The following HSPA8 variants were observed in gnomAD, a reference collection of about 807,000 sequenced individuals.
The protein encoded by HSPA8 is heat shock protein family A (Hsp70) member 8.
Under a neutral mutation model 52.8 loss-of-function variants are expected in HSPA8, and 2 were observed. The ratio of observed to expected loss-of-function variants is 0.04; its 90% CI spans 0.02 to 0.12. The LOEUF (loss-of-function observed/expected upper bound fraction) is 0.12. Ranked by LOEUF, HSPA8 falls within the 10% of genes least tolerant of loss-of-function variation. The pLI is 1.00. For missense variants in HSPA8, 349 were observed against 800.5 expected, an observed-to-expected ratio of 0.44 and a Z score of 6.81; for synonymous variants, 436 against 274.0, an observed-to-expected ratio of 1.59 and a Z score of -5.84.
chr11:123,060,898 G>T, intron 2 of HSPA8, 100 bp from the exon 3 acceptor site: 2 of 1,085,238 alleles, frequency 1.8e-6, no homozygotes, highest in Non-Finnish European at 2.8e-6. Flanking sequence ...ATAGGTAGGT[G>T]AATTCAACTA....
chr11:123,062,288 G>A (rs980045905), upstream of HSPA8: 1 of 152,680 alleles, frequency 6.5e-6, no homozygotes, highest in Non-Finnish European at 1.5e-5. Flanking sequence ...TCCACTCCTC[G>A]GGCCTCGCCC....
In HSPA8 at chr11:123,059,783, A is replaced by T. The variant is rs1189233763; in HGVS notation, c.810T>A (p.Ala270=). The T allele has an allele frequency of 3.1e-6, 5 of 1,613,812 alleles. No individual in the cohort carries two copies. The highest frequency in any genetic ancestry group is 1.3e-5 in the African/African-American group (1 of 74,904). ...VRRLRTACER[A]KRTLSSSTQA... ...GGGTGCTGGAAGAGAGGGTACGCTT[A>T]GCACGTTCACAAGCAGTACGGAGGC... is the stretch of plus-strand genomic sequence containing the variant. The change falls in exon 5 of 9, where the codon GCT becomes GCA. Residue 270 remains alanine (A), a synonymous_variant. Coordinates refer to ENST00000534624, the MANE Select transcript of HSPA8 (RefSeq NM_006597.6).
In HSPA8 at chr11:123,058,459, T is replaced by C. The variant is rs1591436019; in HGVS notation, c.1548A>G (p.Glu516=). 6.2e-7 allele frequency: 1 copy of C among 1,614,142 alleles called. No homozygotes were observed. Among genetic ancestry groups the C allele is most frequent in the Non-Finnish European group, 8.5e-7 (1 of 1,180,008 alleles). The change falls in exon 8 of 9, where the codon GAA becomes GAG. Residue 516 remains glutamate (E), a synonymous_variant. Transcript: ENST00000534624. ...ACTTCTCAGCTTCCTGGACCATACG[T>C]TCAATGTCTTCCTTGCTCAAACGGC... The part of the protein sequence containing the change: ...DKGRLSKEDI[E]RMVQEAEKYK...
chr11:123,057,936 G>C lies in HSPA8; in HGVS notation c.1756-17C>G. 6 of 1,565,566 alleles carry C rather than the reference G, an allele frequency of 3.8e-6. No individual in the cohort carries two copies. The highest frequency in any genetic ancestry group is 5.2e-6 in the Non-Finnish European group (6 of 1,152,764). On this transcript the variant is annotated splice_polypyrimidine_tract_variant and intron_variant, in intron 8 of 8. Coordinates refer to ENST00000534624, the MANE Select transcript of HSPA8 (RefSeq NM_006597.6). The stretch of plus-strand genomic sequence containing the variant: ...CTCAGCAGTCTGAGGAAGAGAAAAA[G>C]GAATTACTGCAAGTTCTTTTAATGT...
Position 123,058,795 on chromosome 11 carries a change from G to A in HSPA8, c.1359C>T (p.Asn453=). Reference sequence around the variant, plus strand: ...TGAGTTCAAACTTGCCAAGCAGGTTGTTATCCTTTGTCATGGCACGCTCGC... The same window carrying A: ...TGAGTTCAAACTTGCCAAGCAGGTTATTATCCTTTGTCATGGCACGCTCGC... ...YEGERAMTKD[N]NLLGKFELTG... is the part of the protein sequence containing the mutation. Residue 453 remains asparagine, a synonymous_variant, in exon 7 of 9, where the codon AAC becomes AAT. Coordinates refer to ENST00000534624, the MANE Select transcript of HSPA8 (RefSeq NM_006597.6). 2 of 1,614,154 alleles carry A rather than the reference G, an allele frequency of 1.2e-6. No homozygotes were observed. Among genetic ancestry groups the A allele is most frequent in the Non-Finnish European group, 1.7e-6 (2 of 1,180,022 alleles).
intron 8 of HSPA8, 21 bp downstream of exon 8, chr11:123,058,231 A>G: frequency 7.0e-7 from 1 of 1,429,312 alleles, no homozygotes; most frequent in South Asian, 1.3e-5. Flanking sequence ...GGGAGGAAAA[A>G]AAAAAAAAAA....
Position 123,059,795 on chromosome 11 carries a change from A to T in HSPA8, c.798T>A (p.Ala266=). The change falls in exon 5 of 9, where the codon GCT becomes GCA. Residue 266 remains alanine (A), a synonymous_variant. Transcript: ENST00000534624. The stretch of plus-strand genomic sequence containing the variant: ...AGAGGGTACGCTTAGCACGTTCACA[A>T]GCAGTACGGAGGCGTCTTACAGCTC... The part of the protein sequence containing the change: ...NKRAVRRLRT[A]CERAKRTLSS... 6.2e-7 allele frequency: 1 copy of T among 1,613,872 alleles called. No homozygotes were observed. The highest frequency in any genetic ancestry group is 2.2e-5 in the East Asian group (1 of 44,874).
intron 8 of HSPA8, 150 bp from the exon 9 acceptor site, chr11:123,058,069 A>G: frequency 2.7e-6 from 2 of 730,670 alleles, no homozygotes; most frequent in South Asian, 1.8e-5. Context: ...CTTCCTTAAC[A>G]TCTTGGGTCA....
chr11:123,061,696 A>C (rs957093417), intron 1 of HSPA8: 28 of 296,202 alleles, frequency 9.5e-5, no homozygotes, highest in South Asian at 4.7e-4. Flanking sequence ...AAGCACGCCA[A>C]GAACAGCTCT....
At chr11:123,058,905 A>C in intron 6 of HSPA8, 75 bp from the exon 7 acceptor site, 1 of 1,472,154 alleles carries the variant, frequency 6.8e-7, no homozygotes, top group Admixed American at 1.8e-5. Context: ...CTAAGGAAGA[A>C]TGGTCGCTCA....
chr11:123,059,987 A>G lies in HSPA8; in HGVS notation c.606T>C (p.Gly202=), dbSNP rs951965347. ...ERNVLIFDLG[G]GTFDVSILTI... is the part of the protein sequence containing the mutation. ...TGAGGATTGACACATCAAAAGTGCC[A>G]CCTCCCAGGTCAAAGATGAGCACGT... Residue 202 remains glycine (G), a synonymous_variant, in exon 5 of 9, where the codon GGT becomes GGC. Coordinates refer to ENST00000534624, the MANE Select transcript of HSPA8 (RefSeq NM_006597.6). 18 of 1,613,696 alleles carry G rather than the reference A, an allele frequency of 1.1e-5. No homozygotes were observed. The highest frequency in any genetic ancestry group is 1.5e-5 in the Non-Finnish European group (18 of 1,179,892).
rs553205643 is a variant in HSPA8, at chr11:123,058,893, T to C, written c.1324-63A>G. On this transcript the variant is annotated intron_variant, in intron 6 of 8. Coordinates refer to ENST00000534624, the MANE Select transcript of HSPA8 (RefSeq NM_006597.6). ...CAGGTCTGTGACAGTGCTAGGGTCC[T>C]GCTAAGGAAGAATGGTCGCTCAAAC... is the stretch of plus-strand genomic sequence containing the variant. 1.4e-4 allele frequency: 219 copies of C among 1,513,528 alleles called. 1 individual carries two copies. The African/African-American group carries it at 2.7e-3, about 18-fold the overall frequency. The allele number at this position is 1,513,528 out of a possible 1,614,324, so 93.8% of individuals were successfully genotyped here. A position where few individuals can be genotyped will look rare whatever the true frequency, so the allele number is the denominator to read the frequency against.
Position 123,059,455 on chromosome 11 carries a change from T to C in HSPA8, c.1120+18A>G, listed in dbSNP as rs1250546203. ...TGGGCCTGCCTGCCTTTAGGGTTAATTGAGATACCATTGTTACCTGCACCA... is the reference window on the plus strand; with the variant it reads ...TGGGCCTGCCTGCCTTTAGGGTTAACTGAGATACCATTGTTACCTGCACCA... On this transcript the variant is annotated intron_variant, in intron 5 of 8. Coordinates refer to ENST00000534624, the MANE Select transcript of HSPA8 (RefSeq NM_006597.6). 6.3e-7 allele frequency: 1 copy of C among 1,598,876 alleles called. No homozygotes were observed.
In HSPA8 at chr11:123,058,244, A is replaced by AAAAAAAAAAC; in HGVS notation, c.1755+7_1755+8insGTTTTTTTTT. ...GGGGGAGGAAAAAAAAAAAAAAAAAACACAAACCTGATTCTTATCAAGCCA... is the reference window on the plus strand; with the variant it reads ...GGGGGAGGAAAAAAAAAAAAAAAAAAAAAAAAAAACCACAAACCTGATTCTTATCAAGCCA... On this transcript the variant is annotated splice_region_variant and intron_variant, in intron 8 of 8. Coordinates refer to ENST00000534624, the MANE Select transcript of HSPA8 (RefSeq NM_006597.6). 1 of 1,512,218 alleles carries AAAAAAAAAAC rather than the reference A, an allele frequency of 6.6e-7. No homozygotes were observed. The highest frequency in any genetic ancestry group is 9.1e-7 in the Non-Finnish European group (1 of 1,098,054). 93.7% of individuals were successfully genotyped at this position (1,512,218 alleles called of 1,614,324 possible).
rs188408273 is a variant in HSPA8 at position 123,057,851 on chromosome 11, G to C, written c.1824C>G (p.Thr608=). Residue 608 remains threonine, a synonymous_variant, in exon 9 of 9, where the codon ACC becomes ACG. Transcript: ENST00000534624. ...ELEKVCNPII[T]KLYQSAGGMP... is the part of the protein sequence containing the mutation. ...TGCCTCCTGCACTCTGGTACAGCTT[G>C]GTGATGATGGGGTTGCAAACTTTCT... The C allele has an allele frequency of 5.0e-6, 8 of 1,613,432 alleles. No homozygotes were observed. The highest frequency in any genetic ancestry group is 6.8e-6 in the Non-Finnish European group (8 of 1,179,622).
chr11:123,060,838 GCTCTT>G, intron 2 of HSPA8, 40 bp from the exon 3 acceptor site: 1 of 1,555,030 alleles, frequency 6.4e-7, no homozygotes, highest in Non-Finnish European at 8.9e-7. Context: ...CAATTTCATA[GCTCTT>G]CTGATAAAAC....
rs117542716 is a variant in HSPA8, at chr11:123,061,363, A to G, written c.-5-34T>C. The G allele has an allele frequency of 7.9e-5, 117 of 1,490,206 alleles. 2 individuals are homozygous for G. In the East Asian group the frequency reaches 2.5e-3, roughly 32 times the overall value. The allele number at this position is 1,490,206 out of a possible 1,614,324, so 92.3% of individuals were successfully genotyped here. On this transcript the variant is annotated intron_variant, in intron 1 of 8. Transcript: ENST00000534624. ...AAGAAAAATCTGGTTTAAAAATTCA[A>G]TTAATCAAAATATTTCCCTCATCCC...
chr11:123,060,728 A>T lies in HSPA8; in HGVS notation c.276T>A (p.Phe92Leu), dbSNP rs775043697. The change falls in exon 3 of 9, where the codon TTT becomes TTA. Residue 92 changes from phenylalanine (F) to leucine (L), a missense_variant. Coordinates refer to ENST00000534624, the MANE Select transcript of HSPA8 (RefSeq NM_006597.6). ...GCCTGCCAGCATCATTCACCACCAT[A>T]AAGGGCCAATGTTTCATATCAGACT... ...VVQSDMKHWP[F>L]MVVNDAGRPK... 1 of 1,613,836 alleles carries T rather than the reference A, an allele frequency of 6.2e-7. No homozygotes were observed. Among genetic ancestry groups the T allele is most frequent in the African/African-American group, 1.3e-5 (1 of 74,850 alleles).
At position 123,060,561 on chromosome 11, in the gene HSPA8, G is replaced by C. The variant is rs751971258; in HGVS notation, c.411+32C>G. 4.6e-5 allele frequency: 70 copies of C among 1,513,222 alleles called. 1 individual carries two copies. The Admixed American group carries it at 1.2e-3, about 25-fold the overall frequency. The allele number at this position is 1,513,222 out of a possible 1,614,324, so 93.7% of individuals were successfully genotyped here. On this transcript the variant is annotated intron_variant, in intron 3 of 8. Coordinates refer to ENST00000534624, the MANE Select transcript of HSPA8 (RefSeq NM_006597.6). ...AGTCATCGGGCTTTTAACTACTCCG[G>C]AATGCACCCCATACTGAAAAACCAA...
Sources: allele counts gnomAD v4.1 joint callset, GRCh38; gene constraint gnomAD v4.1.1; transcripts MANE v1.5; gene names NCBI Gene and HGNC (gene_info 2026-07-23, HGNC 2026-07-21).